The following ING5 variants were observed in gnomAD, a reference collection of about 807,000 sequenced individuals.
The protein encoded by ING5 is inhibitor of growth protein 5.
In ING5, 17 loss-of-function variants were observed where a neutral mutation model predicts 37.4. The ratio of observed to expected loss-of-function variants is 0.45; its 90% CI spans 0.31 to 0.68. The LOEUF (loss-of-function observed/expected upper bound fraction) is 0.68, where lower values mean the gene tolerates loss of function less well. Among genes scored for constraint, ING5 ranks in the 30% least tolerant of loss-of-function variants. The pLI, the probability that ING5 is intolerant of heterozygous loss-of-function variation, is 0.05. For synonymous variants in ING5, 123 were observed against 116.6 expected (o/e 1.06, Z -0.36); for missense variants, 233 against 311.9 (o/e 0.75, Z 1.91).
intron 5 of ING5, chr2:241,719,566 G>C: frequency 6.5e-7 from 1 of 1,536,158 alleles, no homozygotes; most frequent in Non-Finnish European, 8.7e-7. Context: ...CTGCGTGAAA[G>C]TGGGACTCCT....
intron 2 of ING5, among the ~76,000 whole-genome samples, chr2:241,708,700 C>T (rs529752620): frequency 6.6e-6 from 1 of 152,246 alleles, no homozygotes; most frequent in African/African-American, 2.4e-5. Flanking sequence ...ACTCTGTTGT[C>T]TGAAGGGACC....
At chr2:241,719,597 G>C in intron 5 of ING5, 6 of 1,536,062 alleles carry the variant, frequency 3.9e-6, no homozygotes, top group Non-Finnish European at 5.2e-6. Flanking sequence ...TCCTCACCCA[G>C]TGCTGTTTCT....
At chr2:241,704,085 G>T (rs935414168) in intron 1 of ING5, among the ~76,000 whole-genome samples, 1 of 152,142 alleles carries the variant, frequency 6.6e-6, no homozygotes, top group Non-Finnish European at 1.5e-5. Flanking sequence ...GGGTCAGTTG[G>T]CCTCCCCTGC....
chr2:241,702,023 C>A (rs762114108), upstream of ING5: 1 of 1,337,332 alleles, frequency 7.5e-7, no homozygotes, highest in East Asian at 3.3e-5. Context: ...CCTCCCGCGG[C>A]ACCGCCCGCC....
chr2:241,688,058 C>T (rs142447602), exon 1 of ING5: 1 of 152,330 alleles, frequency 6.6e-6, no homozygotes, highest in Non-Finnish European at 1.5e-5. Flanking sequence ...CTGGACATTT[C>T]TCAGGTGAGA....
chr2:241,702,448 C>CT (rs2069771182), intron 1 of ING5, among the ~76,000 whole-genome samples: 3 of 151,950 alleles, frequency 2.0e-5, no homozygotes, highest in African/African-American at 7.2e-5. Context: ...CCAGCTCCGG[C>CT]CCCGGCCCCG....
At chr2:241,691,099 C>T (rs1201790058) in intron 2 of ING5, among the ~76,000 whole-genome samples, 1 of 151,724 alleles carries the variant, frequency 6.6e-6, no homozygotes, top group South Asian at 2.1e-4. Flanking sequence ...CGTGAGCCAG[C>T]GCACCCAGCC....
At chr2:241,693,118 G>A (rs1559294154) in intron 2 of ING5, among the ~76,000 whole-genome samples, 3 of 151,996 alleles carry the variant, frequency 2.0e-5, no homozygotes, top group African/African-American at 7.3e-5. Context: ...AATTAGCTGG[G>A]TGTGGTGACG....
At chr2:241,689,608 C>T (rs2069516806) in intron 1 of ING5, among the ~76,000 whole-genome samples, 1 of 152,136 alleles carries the variant, frequency 6.6e-6, no homozygotes, top group Non-Finnish European at 1.5e-5. Flanking sequence ...GTAACAAAGG[C>T]CCATGAAGTA....
chr2:241,711,365 A>C lies in ING5; in HGVS notation c.277-12A>C, dbSNP rs749588788. ...TTTACTTTAAAATAAGACTTTGGGTATCCTTTTGTAGGTGGATAAACACAT... is the reference window on the plus strand; with the variant it reads ...TTTACTTTAAAATAAGACTTTGGGTCTCCTTTTGTAGGTGGATAAACACAT... On this transcript the variant is annotated splice_polypyrimidine_tract_variant and intron_variant, in intron 3 of 7. Transcript: ENST00000313552. 4 of 1,474,532 alleles carry C rather than the reference A, an allele frequency of 2.7e-6. No individual in the cohort carries two copies. The African/African-American group carries it at 5.8e-5, about 21-fold the overall frequency. 91.3% of individuals were successfully genotyped at this position (1,474,532 alleles called of 1,614,324 possible).
upstream of ING5, among the ~76,000 whole-genome samples, chr2:241,697,933 CTT>C (rs958830246): frequency 5.3e-5 from 8 of 151,784 alleles, no homozygotes; most frequent in African/African-American, 1.9e-4. Context: ...AAATACAAAA[CTT>C]AGCCAGGCGT....
upstream of ING5, among the ~76,000 whole-genome samples, chr2:241,700,800 ATT>A (rs1375180443): frequency 6.9e-6 from 1 of 145,648 alleles, no homozygotes; most frequent in Non-Finnish European, 1.5e-5. Flanking sequence ...TAATTTTTGT[ATT>A]TTTAGTAGAG....
intron 5 of ING5, chr2:241,722,202 T>C: frequency 4.1e-6 from 4 of 985,292 alleles, no homozygotes; most frequent in Non-Finnish European, 4.8e-6. Context: ...CACCTGTCAG[T>C]CTGGAGTGGG....
At chr2:241,704,543 G>A (rs2124883355) in intron 1 of ING5, 110 bp from the exon 2 acceptor site, 2 of 875,336 alleles carry the variant, frequency 2.3e-6, no homozygotes, top group East Asian at 5.1e-5. Flanking sequence ...ACTCCAGCCT[G>A]GGCAACAAGA....
intron 5 of ING5, 125 bp downstream of exon 5, chr2:241,712,196 T>G: frequency 1.3e-6 from 1 of 780,412 alleles, no homozygotes; most frequent in East Asian, 2.8e-5. Flanking sequence ...GTATTCTGAT[T>G]CTTACGCTGC....
At chr2:241,706,324 G>A (rs1018722418) in intron 2 of ING5, among the ~76,000 whole-genome samples, 4 of 151,990 alleles carry the variant, frequency 2.6e-5, no homozygotes, top group Non-Finnish European at 4.4e-5. Flanking sequence ...TGAAAAAAAG[G>A]CACATAGGAA....
At chr2:241,721,884 C>T (rs779380692) in intron 5 of ING5, 17 of 985,448 alleles carry the variant, frequency 1.7e-5, no homozygotes, top group Non-Finnish European at 1.8e-5. Flanking sequence ...CTACAGGTGG[C>T]AGGCTTGGAG....
chr2:241,692,079 G>A (rs1016290129), intron 2 of ING5, among the ~76,000 whole-genome samples: 5 of 151,818 alleles, frequency 3.3e-5, no homozygotes, highest in Admixed American at 6.6e-5. Context: ...AAAGAAAACC[G>A]TCACTAAAAA....
intron 2 of ING5, among the ~76,000 whole-genome samples, chr2:241,693,652 C>CTTTTTTTTTTTT (rs1185556171): frequency 2.5e-5 from 2 of 78,540 alleles, no homozygotes; most frequent in Non-Finnish European, 2.3e-5. Context: ...AAATACAACT[C>CTTTTTTTTTTTT]TTTTTTTTTT....
Sources: allele counts gnomAD v4.1 joint callset (sites outside exome capture counted in the v4.1 genomes callset), GRCh38; gene constraint gnomAD v4.1.1; transcripts MANE v1.5; gene names NCBI Gene and HGNC (gene_info 2026-07-23, HGNC 2026-07-21).